The following KLRF1 variants were observed in gnomAD, a reference collection of about 807,000 sequenced individuals.
KLRF1 encodes killer cell lectin like receptor F1, also known as killer cell lectin-like receptor subfamily F member 1.
Under a neutral mutation model 30.7 loss-of-function variants are expected in KLRF1, and 27 were observed. The observed-to-expected ratio is 0.88, with a 90% CI of 0.65 to 1.21. The LOEUF (loss-of-function observed/expected upper bound fraction) is 1.21, where lower values mean the gene tolerates loss of function less well. Ranked by LOEUF, KLRF1 falls within the 50% of genes most tolerant of loss-of-function variation. KLRF1 has a pLI of 0.00. For synonymous variants in KLRF1, 92 were observed against 89.3 expected (o/e 1.03, Z -0.17); for missense variants, 246 against 259.3 (o/e 0.95, Z 0.35).
the KLRF1 span, chr12:9,817,668 G>T: frequency 1.2e-5 from 3 of 256,092 alleles, no homozygotes; most frequent in African/African-American, 4.7e-5. Context: ...TTTGGTCTTT[G>T]CCTTCCTCTT....
chr12:9,819,877 G>A, the KLRF1 span, among the ~76,000 whole-genome samples: 1 of 152,206 alleles, frequency 6.6e-6, no homozygotes, highest in South Asian at 2.1e-4. Context: ...CAACCACCGG[G>A]TGTTTTCCAG....
At chr12:9,839,564 T>G (rs1009047734) in intron 3 of KLRF1, among the ~76,000 whole-genome samples, 1 of 152,034 alleles carries the variant, frequency 6.6e-6, no homozygotes, top group Non-Finnish European at 1.5e-5. Flanking sequence ...CATTTAAAAA[T>G]GGATAGACAT....
intron 3 of KLRF1, among the ~76,000 whole-genome samples, chr12:9,836,572 T>A (rs1486528252): frequency 6.6e-6 from 1 of 152,110 alleles, no homozygotes; most frequent in Non-Finnish European, 1.5e-5. Flanking sequence ...TTTTATTGTA[T>A]GAGATGATAT....
the KLRF1 span, among the ~76,000 whole-genome samples, chr12:9,818,275 C>G: frequency 2.0e-5 from 3 of 152,192 alleles, no homozygotes; most frequent in Non-Finnish European, 4.4e-5. Context: ...CAATTCTCCT[C>G]TGGGTTGTGC....
the KLRF1 span, among the ~76,000 whole-genome samples, chr12:9,804,751 A>G: frequency 3.9e-5 from 6 of 152,070 alleles, no homozygotes; most frequent in African/African-American, 7.2e-5. Context: ...TGTTATACCA[A>G]GTATAACACC....
chr12:9,828,583 G>T (rs1323329555), intron 1 of KLRF1, among the ~76,000 whole-genome samples: 1 of 152,138 alleles, frequency 6.6e-6, no homozygotes. Context: ...AATAATCACA[G>T]TTATAGAGAC....
upstream of KLRF1, among the ~76,000 whole-genome samples, chr12:9,826,988 T>A (rs988530678): frequency 1.3e-5 from 2 of 151,988 alleles, no homozygotes; most frequent in Admixed American, 1.3e-4. Context: ...ATTTTACCTA[T>A]ATAACAAACC....
chr12:9,831,562 A>G lies in KLRF1; in HGVS notation c.86-754A>G, dbSNP rs143000306. On this transcript the variant is annotated intron_variant, in intron 1 of 5. Transcript: ENST00000617889. ...ACATAAATTATCTTTGATAAGGACAAAATGTTTCACAAAGTATAGATATTC... is the reference window on the plus strand; with the variant it reads ...ACATAAATTATCTTTGATAAGGACAGAATGTTTCACAAAGTATAGATATTC... Among the ~76,000 whole-genome samples the G allele has an allele frequency of 1.6e-4, 25 of 152,292 alleles. 1 individual carries two copies. Among genetic ancestry groups the G allele is most frequent in the African/African-American group, 6.0e-4 (25 of 41,584 alleles).
the KLRF1 span, among the ~76,000 whole-genome samples, chr12:9,804,251 T>C: frequency 3.9e-4 from 59 of 152,090 alleles, no homozygotes; most frequent in African/African-American, 1.3e-3. Flanking sequence ...GAGAAATGTC[T>C]TTTCAGATCT....
At chr12:9,843,106 G>A (rs1341328371) in intron 5 of KLRF1, among the ~76,000 whole-genome samples, 1 of 152,126 alleles carries the variant, frequency 6.6e-6, no homozygotes, top group Non-Finnish European at 1.5e-5. Flanking sequence ...GATTATCTGG[G>A]TGGCCCCAAT....
At chr12:9,834,756 G>A (rs747018836) in intron 3 of KLRF1, among the ~76,000 whole-genome samples, 4 of 152,112 alleles carry the variant, frequency 2.6e-5, no homozygotes, top group Non-Finnish European at 4.4e-5. Context: ...TTGCTTGGTT[G>A]GCAAGTTTTT....
At chr12:9,819,611 C>A in the KLRF1 span, among the ~76,000 whole-genome samples, 1 of 152,134 alleles carries the variant, frequency 6.6e-6, no homozygotes, top group East Asian at 1.9e-4. Context: ...CCACAACCAC[C>A]TCCACAAGTG....
the KLRF1 span, among the ~76,000 whole-genome samples, chr12:9,814,848 A>ATGTG: frequency 7.1e-6 from 1 of 141,728 alleles, no homozygotes; most frequent in South Asian, 2.4e-4. Flanking sequence ...GCTGTGAAGG[A>ATGTG]TGTGTGTGTG....
chr12:9,823,422 A>G (rs75466383), upstream of KLRF1, among the ~76,000 whole-genome samples: 3,536 of 152,242 alleles, frequency 0.023, 128 homozygotes, highest in African/African-American at 0.081. Context: ...CAGACATCGA[A>G]ACATTCTTTG....
intron 1 of KLRF1, among the ~76,000 whole-genome samples, chr12:9,828,696 G>C (rs73245257): frequency 0.025 from 3,826 of 152,114 alleles, 146 homozygotes; most frequent in African/African-American, 0.087. Context: ...TCATCCATCA[G>C]TGATTCATCT....
At chr12:9,838,510 T>C (rs1591760125) in intron 3 of KLRF1, among the ~76,000 whole-genome samples, 1 of 152,238 alleles carries the variant, frequency 6.6e-6, no homozygotes, top group Middle Eastern at 3.4e-3. Flanking sequence ...CAGCACGTGA[T>C]CTCATGGAAA....
the KLRF1 span, among the ~76,000 whole-genome samples, chr12:9,804,763 A>C: frequency 5.3e-5 from 8 of 152,094 alleles, 1 homozygote; most frequent in South Asian, 1.7e-3. Context: ...TATAACACCA[A>C]ATGTGTTTTT....
At chr12:9,801,855 A>G in the KLRF1 span, among the ~76,000 whole-genome samples, 12 of 152,224 alleles carry the variant, frequency 7.9e-5, no homozygotes, top group Non-Finnish European at 1.8e-4. Context: ...TAGTTTAATT[A>G]GATCCCATTT....
At chr12:9,830,948 A>T (rs1189355505) in intron 1 of KLRF1, among the ~76,000 whole-genome samples, 2 of 150,972 alleles carry the variant, frequency 1.3e-5, no homozygotes, top group Non-Finnish European at 3.0e-5. Flanking sequence ...ATCTTTTAAA[A>T]TTTTTTTTTA....
Sources: allele counts gnomAD v4.1 joint callset (sites outside exome capture counted in the v4.1 genomes callset), GRCh38; gene constraint gnomAD v4.1.1; transcripts MANE v1.5; gene names NCBI Gene and HGNC (gene_info 2026-07-23, HGNC 2026-07-21).